The following ZNF471 variants were observed in gnomAD, a reference collection of about 807,000 sequenced individuals.
ZNF471 encodes the protein EZFIT-related protein 1.
ZNF471 carries 7 observed loss-of-function variants against 13.7 expected under a neutral mutation model. The observed-to-expected ratio is 0.51, with a 90% CI of 0.29 to 0.96. The LOEUF (loss-of-function observed/expected upper bound fraction) is 0.96. ZNF471 is among the 40% of genes least tolerant of loss of function. ZNF471 has a pLI of 0.08. For synonymous variants in ZNF471, 218 were observed against 235.6 expected (o/e 0.93, Z 0.68); for missense variants, 663 against 743.3 (o/e 0.89, Z 1.26).
rs2044040852 is a variant in ZNF471 at position 56,525,916 on chromosome 19, C to T, written c.1849C>T (p.His617Tyr). 1 of 1,574,716 alleles carries T rather than the reference C, an allele frequency of 6.4e-7. No individual in the cohort carries two copies. Among genetic ancestry groups the T allele is most frequent in the Admixed American group, 1.9e-5 (1 of 51,422 alleles). Residue 617 changes from histidine (H) to tyrosine (Y), a missense_variant, in exon 5 of 5, where the codon CAT (histidine) becomes TAT (tyrosine). His to Tyr is a moderately conservative substitution (Grantham distance 83). Transcript: ENST00000308031. Reference sequence around the variant, plus strand: ...CAGAAGAAAGTTATCCTTAATTTGTCATCAAAGAAGTCATACTGGAGAAGA... The same window carrying T: ...CAGAAGAAAGTTATCCTTAATTTGTTATCAAAGAAGTCATACTGGAGAAGA... Reference protein sequence around the residue: ...AFRRKLSLICHQRSHTGEEP With the variant: ...AFRRKLSLICYQRSHTGEEP
In ZNF471 at chr19:56,526,575, A is replaced by G. The variant is rs934015603; in HGVS notation, c.*627A>G. 7 of 152,324 alleles carry G rather than the reference A, an allele frequency of 4.6e-5. No individual in the cohort carries two copies. Among genetic ancestry groups the G allele is most frequent in the African/African-American group, 1.7e-4 (7 of 41,428 alleles). 9.4% of individuals were successfully genotyped at this position (152,324 alleles called of 1,614,324 possible). On this transcript the variant is annotated 3_prime_UTR_variant, in exon 5 of 5. Coordinates refer to ENST00000308031, the MANE Select transcript of ZNF471 (RefSeq NM_020813.4). ...GGGGAGCCAAGTGGTTCCCATGCCC[A>G]CTGAGCCCAGCAAGCTAAGATCCAC...
At chr19:56,515,068 A>C (rs1335107526) in intron 2 of ZNF471, among the ~76,000 whole-genome samples, 3 of 152,198 alleles carry the variant, frequency 2.0e-5, no homozygotes, top group Admixed American at 1.3e-4. Context: ...CATTGGTTAT[A>C]GCATTATCAG....
chr19:56,519,795 C>T (rs2043944123), intron 4 of ZNF471, among the ~76,000 whole-genome samples: 2 of 152,172 alleles, frequency 1.3e-5, no homozygotes, highest in South Asian at 4.1e-4. Context: ...TGGAAAATTC[C>T]AGAAGTAAAC....
In ZNF471 at chr19:56,508,278, C is replaced by A; in HGVS notation, c.-56+358C>A. ...GACAGACCGAGAGTCCAGTGTGAGA[C>A]CAGGGTATGTTCGTGTGTGACAGAG... On this transcript the variant is annotated intron_variant, in intron 1 of 4. Transcript: ENST00000308031. The surrounding 1 kb of genome is among the most constrained non-coding windows in gnomAD (Gnocchi z 4.7). 2.6e-6 allele frequency: 2 copies of A among 759,312 alleles called. No individual in the cohort carries two copies. Among genetic ancestry groups the A allele is most frequent in the Non-Finnish European group, 3.2e-6 (2 of 627,968 alleles). 47.0% of individuals were successfully genotyped at this position (759,312 alleles called of 1,614,324 possible).
Position 56,525,771 on chromosome 19 carries a change from G to A in ZNF471, c.1704G>A (p.Glu568=). ...AACATCAAAGAATTCATACTGGAGAGAAACCCTATAAATGTACTGAATGTG... is the reference window on the plus strand; with the variant it reads ...AACATCAAAGAATTCATACTGGAGAAAAACCCTATAAATGTACTGAATGTG... ...LTQHQRIHTG[E]KPYKCTECGK... is the part of the protein sequence containing the mutation. Residue 568 remains glutamate (E), a synonymous_variant, in exon 5 of 5, where the codon GAG becomes GAA. Coordinates refer to ENST00000308031, the MANE Select transcript of ZNF471 (RefSeq NM_020813.4). 2 of 1,614,072 alleles carry A rather than the reference G, an allele frequency of 1.2e-6. No homozygotes were observed. Among genetic ancestry groups the A allele is most frequent in the South Asian group, 2.2e-5 (2 of 91,064 alleles).
rs1405809715 is a variant in ZNF471 at position 56,522,701 on chromosome 19, C to T, written c.257-1623C>T. Among the ~76,000 whole-genome samples the T allele has an allele frequency of 1.3e-5, 2 of 150,822 alleles. No homozygotes were observed. The highest frequency in any genetic ancestry group is 3.0e-5 in the Non-Finnish European group (2 of 67,696). On this transcript the variant is annotated intron_variant, in intron 4 of 4. Coordinates refer to ENST00000308031, the MANE Select transcript of ZNF471 (RefSeq NM_020813.4). This position sits in a 1 kb window ranked among gnomAD's most constrained non-coding sequence, Gnocchi z 4.1. Reference sequence around the variant, plus strand: ...GTATATATGCCCAGATTTCTTCTATCTATGGTAAGTGATGTAGCAATATAT... The same window carrying T: ...GTATATATGCCCAGATTTCTTCTATTTATGGTAAGTGATGTAGCAATATAT...
Position 56,508,221 on chromosome 19 carries a change from T to G in ZNF471, c.-56+301T>G. The G allele has an allele frequency of 2.2e-6, 2 of 920,640 alleles. No individual in the cohort carries two copies. Among genetic ancestry groups the G allele is most frequent in the Non-Finnish European group, 2.5e-6 (2 of 796,748 alleles). 57.0% of individuals were successfully genotyped at this position (920,640 alleles called of 1,614,324 possible). A position where few individuals can be genotyped will look rare whatever the true frequency, so the allele number is the denominator to read the frequency against. The stretch of plus-strand genomic sequence containing the variant: ...CAGAGTGTGAGGCTCCGTGAGAGGG[T>G]GTGGTTTCTGTGTGTGTGTGTGTGT... On this transcript the variant is annotated intron_variant, in intron 1 of 4. Coordinates refer to ENST00000308031, the MANE Select transcript of ZNF471 (RefSeq NM_020813.4). This position sits in a 1 kb window ranked among gnomAD's most constrained non-coding sequence, Gnocchi z 4.7.
intron 2 of ZNF471, among the ~76,000 whole-genome samples, chr19:56,515,960 T>C (rs1397455793): frequency 6.6e-6 from 1 of 152,224 alleles, no homozygotes; most frequent in Non-Finnish European, 1.5e-5. Context: ...CCATGGAGTA[T>C]CATTTGAAAA....
intron 4 of ZNF471, among the ~76,000 whole-genome samples, chr19:56,519,764 C>T (rs969188207): frequency 6.6e-6 from 1 of 152,202 alleles, no homozygotes; most frequent in Admixed American, 6.5e-5. Flanking sequence ...CCACAGTCCA[C>T]CACTGTCCAA....
At position 56,522,180 on chromosome 19, in the gene ZNF471, C is replaced by G. The variant is rs1056985607; in HGVS notation, c.257-2144C>G. ...CTGTAATTGCCCATCCGTAATGATG[C>G]ATTTCTCAGAGCATTTCTCCATCAT... On this transcript the variant is annotated intron_variant, in intron 4 of 4. Transcript: ENST00000308031. The surrounding 1 kb of genome is among the most constrained non-coding windows in gnomAD (Gnocchi z 4.1). 3.3e-5 allele frequency among the ~76,000 whole-genome samples: 5 copies of G among 152,156 alleles called. No homozygotes were observed. Among genetic ancestry groups the G allele is most frequent in the Non-Finnish European group, 5.9e-5 (4 of 68,036 alleles).
chr19:56,525,619 A>T lies in ZNF471; in HGVS notation c.1552A>T (p.Ile518Phe), dbSNP rs1446699291. The change falls in exon 5 of 5, where the codon ATT (isoleucine) becomes TTT (phenylalanine). Residue 518 changes from isoleucine to phenylalanine, a missense_variant. Ile to Phe is a conservative substitution (Grantham distance 21). Transcript: ENST00000308031. Reference sequence around the variant, plus strand: ...TACTGGAGAGAAGCCTTATGAATGTATTGAATGTGGAAATGCTTTCAAACA... The same window carrying T: ...TACTGGAGAGAAGCCTTATGAATGTTTTGAATGTGGAAATGCTTTCAAACA... Reference protein sequence around the residue: ...IHTGEKPYECIECGNAFKQRS... With the variant: ...IHTGEKPYECFECGNAFKQRS... 2 of 1,614,060 alleles carry T rather than the reference A, an allele frequency of 1.2e-6. No homozygotes were observed. The highest frequency in any genetic ancestry group is 2.2e-5 in the East Asian group (1 of 44,884).
In ZNF471 at chr19:56,528,351, AC is replaced by A. The variant is rs1200543127; in HGVS notation, c.*2404del. On this transcript the variant is annotated 3_prime_UTR_variant, in exon 5 of 5. Coordinates refer to ENST00000308031, the MANE Select transcript of ZNF471 (RefSeq NM_020813.4). ...CAGAATTGATGTAAATTATTTTTAA[AC>A]AGTGCATTCTTGAAAGCAGTATGGC... 7 of 152,236 alleles carry A rather than the reference AC, an allele frequency of 4.6e-5. No individual in the cohort carries two copies. 9.4% of individuals were successfully genotyped at this position (152,236 alleles called of 1,614,324 possible). A position where few individuals can be genotyped will look rare whatever the true frequency, so the allele number is the denominator to read the frequency against.
At chr19:56,511,873 G>A (rs1299138866) in intron 2 of ZNF471, among the ~76,000 whole-genome samples, 1 of 152,194 alleles carries the variant, frequency 6.6e-6, no homozygotes, top group Non-Finnish European at 1.5e-5. Flanking sequence ...CTTGATTTAT[G>A]TTGTGTGGAA....
Position 56,522,543 on chromosome 19 carries a change from C to T in ZNF471, c.257-1781C>T, listed in dbSNP as rs993118944. Among the ~76,000 whole-genome samples the T allele has an allele frequency of 4.6e-5, 7 of 152,098 alleles. No individual in the cohort carries two copies. The highest frequency in any genetic ancestry group is 1.2e-4 in the African/African-American group (5 of 41,404). Reference sequence around the variant, plus strand: ...ATTGCTTAGGAAATATTGGATTAGTCGATGATTTGCTATGGATGACATAGA... The same window carrying T: ...ATTGCTTAGGAAATATTGGATTAGTTGATGATTTGCTATGGATGACATAGA... On this transcript the variant is annotated intron_variant, in intron 4 of 4. Coordinates refer to ENST00000308031, the MANE Select transcript of ZNF471 (RefSeq NM_020813.4). The surrounding 1 kb of genome is among the most constrained non-coding windows in gnomAD (Gnocchi z 4.1).
intron 4 of ZNF471, among the ~76,000 whole-genome samples, chr19:56,521,711 GA>G (rs1169049427): frequency 6.6e-6 from 1 of 150,820 alleles, no homozygotes; most frequent in South Asian, 2.1e-4. Context: ...AGCACTTTGA[GA>G]GGCTGAGGTG....
Position 56,525,685 on chromosome 19 carries a change from G to C in ZNF471, c.1618G>C (p.Glu540Gln), listed in dbSNP as rs2147930802. The C allele has an allele frequency of 6.2e-7, 1 of 1,614,120 alleles. No homozygotes were observed. Among genetic ancestry groups the C allele is most frequent in the East Asian group, 2.2e-5 (1 of 44,856 alleles). Residue 540 changes from glutamate (E) to glutamine (Q), a missense_variant, in exon 5 of 5, where the codon GAG becomes CAG. Glu to Gln is a conservative substitution (Grantham distance 29). Transcript: ENST00000308031. The part of the protein sequence containing the change: ...LAQHQKTHTG[E>Q]KPYECNECGK... ...CCAACATCAGAAAACTCATACAGGA[G>C]AGAAACCTTATGAGTGTAATGAATG...
At chr19:56,521,099 G>A (rs1343054329) in intron 4 of ZNF471, among the ~76,000 whole-genome samples, 3 of 152,116 alleles carry the variant, frequency 2.0e-5, no homozygotes, top group Admixed American at 6.5e-5. Flanking sequence ...CACTGCCAGT[G>A]AACAGTATGG....
Position 56,510,930 on chromosome 19 carries a change from G to A in ZNF471, c.-55-587G>A, listed in dbSNP as rs1026050736. 2.0e-6 allele frequency: 2 copies of A among 985,444 alleles called. No individual in the cohort carries two copies. The highest frequency in any genetic ancestry group is 2.4e-6 in the Non-Finnish European group (2 of 830,032). 61.0% of individuals were successfully genotyped at this position (985,444 alleles called of 1,614,324 possible). ...TTAAGGGGCTGGGACAGAGGTGAGA[G>A]TGAAAGTGGCAGAATTGAGTGCTAA... On this transcript the variant is annotated intron_variant, in intron 1 of 4. Coordinates refer to ENST00000308031, the MANE Select transcript of ZNF471 (RefSeq NM_020813.4). The surrounding 1 kb of genome is among the most constrained non-coding windows in gnomAD (Gnocchi z 4.3).
chr19:56,520,536 G>T (rs566917776), intron 4 of ZNF471, among the ~76,000 whole-genome samples: 1 of 152,284 alleles, frequency 6.6e-6, no homozygotes, highest in East Asian at 1.9e-4. Flanking sequence ...TGGGTGCCCT[G>T]GTCTGAATGT....
Sources: gnomAD v4.1 joint callset for allele counts (sites outside exome capture counted in the v4.1 genomes callset) on GRCh38, gnomAD v4.1.1 for gene constraint, Gnocchi (gnomAD v3.1) non-coding constraint, MANE v1.5 for transcripts, NCBI Gene and HGNC (gene_info 2026-07-23, HGNC 2026-07-21) for gene names.